Variants in KCNN2 observed in about 807,000 individuals in gnomAD.
KCNN2 encodes the protein potassium calcium-activated channel subfamily N member 2.
Under a neutral mutation model 55.5 loss-of-function variants are expected in KCNN2, and 24 were observed. The ratio of observed to expected loss-of-function variants is 0.43; its 90% CI spans 0.31 to 0.61. KCNN2 has a LOEUF of 0.61. Ranked by LOEUF, KCNN2 falls within the 20% of genes least tolerant of loss-of-function variation. The pLI is 0.08. For missense variants in KCNN2, 754 were observed against 853.6 expected, an observed-to-expected ratio of 0.88 and a Z score of 1.45; for synonymous variants, 431 against 336.1, an observed-to-expected ratio of 1.28 and a Z score of -3.09.
intron 2 of KCNN2, among the ~76,000 whole-genome samples, chr5:114,306,349 G>A (rs1182483905): frequency 6.6e-6 from 1 of 152,186 alleles, no homozygotes; most frequent in Non-Finnish European, 1.5e-5. Flanking sequence ...GTATCATGCT[G>A]TATCTGGTTT....
At chr5:114,296,407 A>T (rs931908634) in intron 2 of KCNN2, among the ~76,000 whole-genome samples, 1 of 152,244 alleles carries the variant, frequency 6.6e-6, no homozygotes, top group Admixed American at 6.5e-5. Context: ...TGTTTATGCT[A>T]AGAATATTGC....
At chr5:114,382,788 C>T (rs1313032042) in intron 2 of KCNN2, among the ~76,000 whole-genome samples, 2 of 152,140 alleles carry the variant, frequency 1.3e-5, no homozygotes, top group Non-Finnish European at 2.9e-5. Flanking sequence ...AGTCATATGC[C>T]CAACCCTGGA....
rs190128708 is a variant in KCNN2, at chr5:114,470,457, C to T, written c.1780-2597C>T. ...GGCTAGCCTGTGTTTGTCGAGCATA[C>T]GCTATACCATACAGCAGGTAGCTTT... On this transcript the variant is annotated intron_variant, in intron 4 of 7. Coordinates refer to ENST00000673685, the MANE Select transcript of KCNN2 (RefSeq NM_021614.4). 2.3e-4 allele frequency among the ~76,000 whole-genome samples: 35 copies of T among 152,196 alleles called. 1 individual carries two copies. Among genetic ancestry groups the T allele is most frequent in the African/African-American group, 6.0e-4 (25 of 41,518 alleles).
At chr5:114,393,746 A>G (rs1394899696) in intron 2 of KCNN2, among the ~76,000 whole-genome samples, 1 of 149,878 alleles carries the variant, frequency 6.7e-6, no homozygotes, top group African/African-American at 2.5e-5. Flanking sequence ...CTCCCCTTTA[A>G]CAAATCTGCA....
At chr5:114,461,394 A>G (rs898719224) in intron 3 of KCNN2, among the ~76,000 whole-genome samples, 2 of 152,294 alleles carry the variant, frequency 1.3e-5, no homozygotes, top group East Asian at 3.9e-4. Context: ...CACCTCTGCC[A>G]CAGAAACTTG....
intron 3 of KCNN2, among the ~76,000 whole-genome samples, chr5:114,442,927 ACGTCATTTAGAGG>A (rs1351059223): frequency 5.8e-4 from 88 of 152,240 alleles, no homozygotes; most frequent in African/African-American, 2.0e-3. Flanking sequence ...GTAAATTGGA[ACGTCATTTAGAGG>A]GACCTCATGC....
At chr5:114,482,450 T>C (rs1257840130) in intron 5 of KCNN2, among the ~76,000 whole-genome samples, 2 of 152,114 alleles carry the variant, frequency 1.3e-5, no homozygotes, top group East Asian at 3.9e-4. Flanking sequence ...AATTCAACCA[T>C]TGTGAAAGAC....
chr5:114,287,588 G>C (rs755083621), intron 2 of KCNN2, among the ~76,000 whole-genome samples: 37 of 151,686 alleles, frequency 2.4e-4, no homozygotes, highest in Non-Finnish European at 5.2e-4. Flanking sequence ...ACACACATTG[G>C]GGCCTGTCGG....
intron 2 of KCNN2, among the ~76,000 whole-genome samples, chr5:114,394,151 A>G (rs533642206): frequency 6.6e-6 from 1 of 152,296 alleles, no homozygotes; most frequent in South Asian, 2.1e-4. Flanking sequence ...TTCCTCATAC[A>G]TTCAATGGTA....
At chr5:114,270,941 G>A (rs967887594) in intron 2 of KCNN2, among the ~76,000 whole-genome samples, 2 of 152,126 alleles carry the variant, frequency 1.3e-5, no homozygotes, top group East Asian at 3.9e-4. Flanking sequence ...TGTGGTGAGT[G>A]TTACAGCTCA....
At chr5:114,084,018 T>C (rs546180034) in intron 1 of KCNN2, among the ~76,000 whole-genome samples, 1 of 152,220 alleles carries the variant, frequency 6.6e-6, no homozygotes, top group African/African-American at 2.4e-5. Flanking sequence ...AGCTCACTTA[T>C]TTTTATTGTT....
intron 1 of KCNN2, among the ~76,000 whole-genome samples, chr5:114,211,077 TGTG>T (rs1753872747): frequency 6.6e-6 from 1 of 152,168 alleles, no homozygotes; most frequent in Non-Finnish European, 1.5e-5. Flanking sequence ...GTTGCAAGGT[TGTG>T]GAGAAAAGTG....
At chr5:114,187,009 C>T (rs1753347006) in intron 1 of KCNN2, among the ~76,000 whole-genome samples, 1 of 151,976 alleles carries the variant, frequency 6.6e-6, no homozygotes, top group African/African-American at 2.4e-5. Flanking sequence ...GTACATCCAC[C>T]CCATAAATGG....
rs529254179 is a variant in KCNN2, at chr5:114,419,867, A to G, written c.1637+15011A>G. Among the ~76,000 whole-genome samples, 4 of 152,312 alleles carry G rather than the reference A, an allele frequency of 2.6e-5. 1 individual carries two copies. The South Asian group carries it at 8.3e-4, about 32-fold the overall frequency. ...ATAAGAATTAGCCAGATGTGGTGGC[A>G]TGTGCCTTCAGGCCCAAATACTTAA... is the stretch of plus-strand genomic sequence containing the variant. On this transcript the variant is annotated intron_variant, in intron 3 of 7. Coordinates refer to ENST00000673685, the MANE Select transcript of KCNN2 (RefSeq NM_021614.4).
rs1233785589 is a variant in KCNN2 at position 114,118,006 on chromosome 5, A to G, written c.-271+61506A>G. Among the ~76,000 whole-genome samples the G allele has an allele frequency of 2.0e-5, 3 of 152,170 alleles. No homozygotes were observed. In the East Asian group the frequency reaches 5.8e-4, roughly 30 times the overall value. Reference sequence around the variant, plus strand: ...AGAGGCTGGAGTACATCAAACAGATATAGCTACAAAGAGGTGGAAAGGCTG... The same window carrying G: ...AGAGGCTGGAGTACATCAAACAGATGTAGCTACAAAGAGGTGGAAAGGCTG... On this transcript the variant is annotated intron_variant, in intron 1 of 10. Coordinates refer to the KCNN2 transcript ENST00000512097.
intron 2 of KCNN2, among the ~76,000 whole-genome samples, chr5:114,238,626 CAAA>C (rs36125313): frequency 6.3e-5 from 7 of 111,314 alleles, no homozygotes; most frequent in East Asian, 2.6e-4. Flanking sequence ...ACTCCGTCTC[CAAA>C]AAAAAAAAAA....
chr5:114,157,368 G>T (rs2112525433), intron 1 of KCNN2, among the ~76,000 whole-genome samples: 1 of 152,096 alleles, frequency 6.6e-6, no homozygotes, highest in Non-Finnish European at 1.5e-5. Context: ...GTATTCCCTG[G>T]TGTATATGTG....
chr5:114,307,477 A>T (rs948005659), intron 2 of KCNN2, among the ~76,000 whole-genome samples: 1 of 152,046 alleles, frequency 6.6e-6, no homozygotes, highest in African/African-American at 2.4e-5. Flanking sequence ...TGATGCTTAA[A>T]TGCCACCCAC....
intron 3 of KCNN2, among the ~76,000 whole-genome samples, chr5:114,443,320 A>T (rs943530807): frequency 6.6e-6 from 1 of 152,084 alleles, no homozygotes; most frequent in Non-Finnish European, 1.5e-5. Context: ...AAAGAAAAAA[A>T]AAAAAGAGGC....
Sources: allele counts gnomAD v4.1 joint callset (sites outside exome capture counted in the v4.1 genomes callset), GRCh38; gene constraint gnomAD v4.1.1; transcripts MANE v1.5; gene names NCBI Gene and HGNC (gene_info 2026-07-23, HGNC 2026-07-21).